Variants in SEMA6D observed in about 807,000 individuals in gnomAD.
The protein encoded by SEMA6D is semaphorin-6D.
A neutral mutation model predicts 106.6 loss-of-function variants in SEMA6D; 35 were observed. That is an observed-to-expected ratio of 0.33 (90% confidence interval 0.25 to 0.44). The LOEUF is 0.44. SEMA6D is among the 20% of genes least tolerant of loss of function. The pLI, the probability that SEMA6D is intolerant of heterozygous loss-of-function variation, is 1.00. For synonymous variants in SEMA6D, 499 were observed against 487.7 expected (o/e 1.02, Z -0.31); for missense variants, 1,185 against 1,345.9 (o/e 0.88, Z 1.87).
chr15:47,710,797 T>C (rs1398974030), intron 4 of SEMA6D, among the ~76,000 whole-genome samples: 1 of 152,166 alleles, frequency 6.6e-6, no homozygotes, highest in Non-Finnish European at 1.5e-5. Flanking sequence ...TGTAAGTGAA[T>C]CTCAAAGGCA....
intron 3 of SEMA6D, among the ~76,000 whole-genome samples, chr15:47,597,875 A>T (rs930757060): frequency 2.0e-5 from 3 of 149,884 alleles, no homozygotes; most frequent in African/African-American, 7.3e-5. Flanking sequence ...TATATATAAC[A>T]TATAAAATAA....
chr15:47,538,864 C>G (rs2045264029), intron 3 of SEMA6D, among the ~76,000 whole-genome samples: 1 of 151,904 alleles, frequency 6.6e-6, no homozygotes, highest in Non-Finnish European at 1.5e-5. Flanking sequence ...AAAGAGGATA[C>G]AAAGAACAGA....
chr15:47,583,171 A>G (rs926747666), intron 3 of SEMA6D, among the ~76,000 whole-genome samples: 3 of 152,212 alleles, frequency 2.0e-5, no homozygotes, highest in Admixed American at 6.5e-5. Flanking sequence ...ACTTCAGCAG[A>G]GGCAGCTGTG....
intron 1 of SEMA6D, among the ~76,000 whole-genome samples, chr15:47,336,064 G>A (rs556250573): frequency 6.6e-6 from 1 of 152,336 alleles, no homozygotes; most frequent in South Asian, 2.1e-4. Flanking sequence ...AAGGGCTAGT[G>A]TCCTTCGGCT....
chr15:47,265,826 CT>C (rs1403226475), intron 1 of SEMA6D, among the ~76,000 whole-genome samples: 2 of 152,052 alleles, frequency 1.3e-5, no homozygotes, highest in Non-Finnish European at 2.9e-5. Flanking sequence ...TTAGTGACAT[CT>C]GTATCCCACA....
intron 1 of SEMA6D, among the ~76,000 whole-genome samples, chr15:47,322,193 T>G (rs544537995): frequency 6.6e-6 from 1 of 152,290 alleles, no homozygotes; most frequent in South Asian, 2.1e-4. Context: ...AAATATACTC[T>G]TCACTCATTT....
chr15:47,511,668 T>C (rs914807303), intron 3 of SEMA6D, among the ~76,000 whole-genome samples: 2 of 152,176 alleles, frequency 1.3e-5, no homozygotes, highest in Non-Finnish European at 2.9e-5. Flanking sequence ...AATGAATACC[T>C]AATAGGTTTC....
intron 3 of SEMA6D, among the ~76,000 whole-genome samples, chr15:47,501,210 C>G (rs1311149158): frequency 6.6e-6 from 1 of 152,162 alleles, no homozygotes; most frequent in African/African-American, 2.4e-5. Flanking sequence ...TAAACAGGGA[C>G]CTTTCTAAGT....
intron 4 of SEMA6D, among the ~76,000 whole-genome samples, chr15:47,616,678 A>G (rs1382344819): frequency 2.6e-5 from 4 of 152,094 alleles, no homozygotes; most frequent in Non-Finnish European, 5.9e-5. Context: ...TGGCTACGAC[A>G]GAATTTGTGT....
chr15:47,305,249 C>G (rs762583238), intron 1 of SEMA6D, among the ~76,000 whole-genome samples: 1 of 152,172 alleles, frequency 6.6e-6, no homozygotes, highest in East Asian at 1.9e-4. Context: ...TATAATTACT[C>G]TCCTTGGGTT....
intron 2 of SEMA6D, among the ~76,000 whole-genome samples, chr15:47,431,082 T>G (rs1012651584): frequency 1.3e-5 from 2 of 152,140 alleles, no homozygotes; most frequent in African/African-American, 2.4e-5. Context: ...TTTTTCTCAT[T>G]TAGATTGAAA....
chr15:47,690,362 C>T (rs190518470), intron 4 of SEMA6D, among the ~76,000 whole-genome samples: 145 of 152,040 alleles, frequency 9.5e-4, no homozygotes, highest in African/African-American at 3.3e-3. Flanking sequence ...GGAAAAAAAA[C>T]GCAAATATTA....
intron 4 of SEMA6D, among the ~76,000 whole-genome samples, chr15:47,637,230 A>G (rs1245964823): frequency 6.6e-6 from 1 of 152,186 alleles, no homozygotes; most frequent in African/African-American, 2.4e-5. Flanking sequence ...ACCTCAACTT[A>G]TACTCCAAGA....
intron 1 of SEMA6D, among the ~76,000 whole-genome samples, chr15:47,743,612 G>A (rs532353276): frequency 3.3e-5 from 5 of 152,286 alleles, no homozygotes; most frequent in Admixed American, 6.5e-5. Flanking sequence ...CATGGCCGGA[G>A]AAGGAAAAGA....
intron 1 of SEMA6D, among the ~76,000 whole-genome samples, chr15:47,287,354 A>C (rs887866659): frequency 6.6e-6 from 1 of 152,208 alleles, no homozygotes; most frequent in East Asian, 1.9e-4. Flanking sequence ...TTAAAAATAC[A>C]TATAGTCTTT....
chr15:47,257,251 G>T (rs924291284), intron 1 of SEMA6D, among the ~76,000 whole-genome samples: 2 of 152,036 alleles, frequency 1.3e-5, no homozygotes, highest in African/African-American at 4.8e-5. Flanking sequence ...TAGAGACAGG[G>T]TTTCACCATG....
intron 3 of SEMA6D, among the ~76,000 whole-genome samples, chr15:47,510,878 C>T (rs1344741882): frequency 2.0e-5 from 3 of 152,146 alleles, no homozygotes; most frequent in African/African-American, 4.8e-5. Context: ...TTCCATATGG[C>T]ACTTGGTTCT....
chr15:47,677,862 T>C (rs1233924077), intron 4 of SEMA6D, among the ~76,000 whole-genome samples: 1 of 152,150 alleles, frequency 6.6e-6, no homozygotes, highest in Non-Finnish European at 1.5e-5. Context: ...AGACAGAGAA[T>C]GTAAGAAATT....
intron 4 of SEMA6D, among the ~76,000 whole-genome samples, chr15:47,700,645 C>T (rs1162884793): frequency 6.6e-6 from 1 of 152,160 alleles, no homozygotes; most frequent in East Asian, 1.9e-4. Context: ...AAAGTATAGA[C>T]TAGGTGCAGT....
Sources: gnomAD v4.1 joint callset for allele counts (sites outside exome capture counted in the v4.1 genomes callset) on GRCh38, gnomAD v4.1.1 for gene constraint, MANE v1.5 for transcripts, NCBI Gene and HGNC (gene_info 2026-07-23, HGNC 2026-07-21) for gene names.